The following RLN1 variants were observed in gnomAD, a reference collection of about 807,000 sequenced individuals.
RLN1 encodes relaxin 1.
RLN1 carries 4 observed loss-of-function variants against 7.2 expected under a neutral mutation model. The observed-to-expected ratio is 0.56, with a 90% CI of 0.28 to 1.28. RLN1 has a LOEUF of 1.28. RLN1 is among the 50% of genes most tolerant of loss of function. The pLI is 0.11. For synonymous variants in RLN1, 105 were observed against 86.0 expected (o/e 1.22, Z -1.22); for missense variants, 293 against 221.1 (o/e 1.32, Z -2.06).
Position 5,335,303 on chromosome 9 carries a change from T to G in RLN1, c.506A>C (p.Glu169Ala), listed in dbSNP as rs1816862363. 2 of 1,603,968 alleles carry G rather than the reference T, an allele frequency of 1.2e-6. No individual in the cohort carries two copies. The highest frequency in any genetic ancestry group is 1.7e-6 in the Non-Finnish European group (2 of 1,177,486). The change falls in exon 2 of 2, where the codon GAG becomes GCG. Residue 169 changes from glutamate to alanine, a missense_variant. Physicochemically the swap from Glu to Ala is moderately radical, Grantham distance 107. Coordinates refer to ENST00000223862, the MANE Select transcript of RLN1 (RefSeq NM_006911.4). ...GGTACAACCAATTAGGCAACATTTC[T>G]CAAACAGTGCCACGTAGGGTCGTCT... ...KKRRPYVALF[E>A]KCCLIGCTKR...
chr9:5,335,700 C>T, intron 1 of RLN1, 103 bp from the exon 2 acceptor site: 1 of 696,898 alleles, frequency 1.4e-6, no homozygotes, highest in South Asian at 2.0e-5. Flanking sequence ...AAAGCATTGC[C>T]TCAATATAAA....
In RLN1 at chr9:5,339,705, T is replaced by G; in HGVS notation, c.42A>C (p.Leu14Phe). The stretch of plus-strand genomic sequence containing the variant: ...CTGCTCTGGAAAATTGGTTCAGTAG[T>G]AAACAGAATTCTAGCAGGTGGAACA... Reference protein sequence around the residue: ...LFLFHLLEFCLLLNQFSRAVA... With the variant: ...LFLFHLLEFCFLLNQFSRAVA... Residue 14 changes from leucine (L) to phenylalanine (F), a missense_variant, in exon 1 of 2, where the codon TTA becomes TTC. By Grantham distance (22) the Leu-to-Phe change is conservative (BLOSUM62 0). Transcript: ENST00000223862. The G allele has an allele frequency of 6.2e-7, 1 of 1,613,280 alleles. No homozygotes were observed. The highest frequency in any genetic ancestry group is 1.1e-5 in the South Asian group (1 of 91,070).
At position 5,335,446 on chromosome 9, in the gene RLN1, A is replaced by T. The variant is rs141422581; in HGVS notation, c.363T>A (p.Asp121Glu). ...TAAATTCTTCAAAGCTAAGATTGGA[A>T]TCCTTTAATGCAGGTACATACTGCT... Reference protein sequence around the residue: ...ELQQYVPALKDSNLSFEEFKK... With the variant: ...ELQQYVPALKESNLSFEEFKK... The change falls in exon 2 of 2, where the codon GAT becomes GAA. Residue 121 changes from aspartate to glutamate, a missense_variant. Transcript: ENST00000223862. 3.1e-6 allele frequency: 5 copies of T among 1,613,630 alleles called. No homozygotes were observed. Among genetic ancestry groups the T allele is most frequent in the Non-Finnish European group, 4.2e-6 (5 of 1,179,808 alleles).
At chr9:5,335,712 T>A in intron 1 of RLN1, 115 bp from the exon 2 acceptor site, 1 of 667,046 alleles carries the variant, frequency 1.5e-6, no homozygotes, top group Non-Finnish European at 2.5e-6. Flanking sequence ...CAATATAAAT[T>A]AAACATTGAA....
chr9:5,336,254 T>C (rs1056832304), intron 1 of RLN1, among the ~76,000 whole-genome samples: 1 of 152,084 alleles, frequency 6.6e-6, no homozygotes, highest in Non-Finnish European at 1.5e-5. Context: ...GGTTAAAAGA[T>C]CACTAACCAA....
In RLN1 at chr9:5,339,573, G is replaced by A. The variant is rs147963253; in HGVS notation, c.174C>T (p.Ser58=). The stretch of plus-strand genomic sequence containing the variant: ...TAGGTGTCTGAGGAGCATCTTCCTG[G>A]CTCAGAGACCTTTTGCTCCAGGTGC... The part of the protein sequence containing the change: ...GMSTWSKRSL[S]QEDAPQTPRP... The change falls in exon 1 of 2, where the codon AGC becomes AGT. Residue 58 remains serine (S), a synonymous_variant. Transcript: ENST00000223862. The A allele has an allele frequency of 5.6e-6, 9 of 1,605,590 alleles. No individual in the cohort carries two copies. Among genetic ancestry groups the A allele is most frequent in the Admixed American group, 5.1e-5 (3 of 59,176 alleles).
chr9:5,335,584 G>C lies in RLN1; in HGVS notation c.225C>G (p.Ser75=), dbSNP rs766939901. 8.7e-6 allele frequency: 14 copies of C among 1,603,250 alleles called. No homozygotes were observed. Among genetic ancestry groups the C allele is most frequent in the Non-Finnish European group, 1.2e-5 (14 of 1,173,232 alleles). Residue 75 remains serine, a synonymous_variant, in exon 2 of 2, where the codon TCC becomes TCG. Transcript: ENST00000223862. ...TAGTTTCTGTATCTTTGTTGATGAA[G>C]GATGGTACAATTTCTGTTAAGTTTA... ...TPRPVAEIVP[S]FINKDTETII...
chr9:5,339,939 C>G (rs906458264), upstream of RLN1: 10 of 614,370 alleles, frequency 1.6e-5, no homozygotes, highest in African/African-American at 1.7e-4. Flanking sequence ...CTTTCCCACA[C>G]CCCTCCACAG....
chr9:5,339,888 G>A, upstream of RLN1: 1 of 788,360 alleles, frequency 1.3e-6, no homozygotes, highest in South Asian at 1.8e-5. Flanking sequence ...TTTAGTATGG[G>A]CTATCACTCA....
rs368925357 is a variant in RLN1, at chr9:5,335,603, A to C, written c.212-6T>G. 16 of 1,577,802 alleles carry C rather than the reference A, an allele frequency of 1.0e-5. No individual in the cohort carries two copies. Among genetic ancestry groups the C allele is most frequent in the Middle Eastern group, 3.4e-4 (2 of 5,902 alleles). ...GATGAAGGATGGTACAATTTCTGTT[A>C]AGTTTAAAAAAAAAGTGTATGTGAA... On this transcript the variant is annotated splice_region_variant and splice_polypyrimidine_tract_variant and intron_variant, in intron 1 of 1. Coordinates refer to ENST00000223862, the MANE Select transcript of RLN1 (RefSeq NM_006911.4).
chr9:5,335,352 A>G lies in RLN1; in HGVS notation c.457T>C (p.Leu153=). 6.2e-7 allele frequency: 1 copy of G among 1,613,610 alleles called. No individual in the cohort carries two copies. Among genetic ancestry groups the G allele is most frequent in the Non-Finnish European group, 8.5e-7 (1 of 1,179,730 alleles). The change falls in exon 2 of 2, where the codon TTG becomes CTG. Residue 153 remains leucine, a synonymous_variant. Coordinates refer to ENST00000223862, the MANE Select transcript of RLN1 (RefSeq NM_006911.4). ...CTCTTTTTTTGAGAATGAGTATCCAAGCCTAAGTATTTTAATTCTGAAGGA... is the reference window on the plus strand; with the variant it reads ...CTCTTTTTTTGAGAATGAGTATCCAGGCCTAAGTATTTTAATTCTGAAGGA... ...SNPSELKYLG[L]DTHSQKKRRP...
chr9:5,336,984 C>G (rs1885498), intron 1 of RLN1, among the ~76,000 whole-genome samples: 41,089 of 151,604 alleles, frequency 0.27, 6,076 homozygotes, highest in East Asian at 0.4. Flanking sequence ...TTTGACAGAG[C>G]AATAAAAAAC....
At chr9:5,337,128 A>AT (rs1267730585) in intron 1 of RLN1, among the ~76,000 whole-genome samples, 2 of 152,024 alleles carry the variant, frequency 1.3e-5, no homozygotes, top group African/African-American at 4.8e-5. Flanking sequence ...AGGTTTTGGC[A>AT]TTTTCCCTCA....
chr9:5,337,013 AC>A (rs1408185567), intron 1 of RLN1, among the ~76,000 whole-genome samples: 2 of 152,034 alleles, frequency 1.3e-5, no homozygotes, highest in Non-Finnish European at 2.9e-5. Context: ...ACAAAACAAA[AC>A]AAAAAACCTG....
chr9:5,340,078 T>C (rs1816961834), upstream of RLN1, among the ~76,000 whole-genome samples: 1 of 152,214 alleles, frequency 6.6e-6, no homozygotes, highest in Non-Finnish European at 1.5e-5. Context: ...TATACTTAGG[T>C]AAAGTTATTT....
At chr9:5,340,211 A>G (rs1816964344), upstream of RLN1, among the ~76,000 whole-genome samples, 1 of 152,194 alleles carries the variant, frequency 6.6e-6, no homozygotes, top group Non-Finnish European at 1.5e-5. Context: ...AGGATTATAG[A>G]TTACCTTATA....
chr9:5,337,138 A>G (rs1026443813), intron 1 of RLN1, among the ~76,000 whole-genome samples: 8 of 152,058 alleles, frequency 5.3e-5, no homozygotes, highest in African/African-American at 1.9e-4. Flanking sequence ...ATTTTCCCTC[A>G]TTAAGACATC....
chr9:5,339,837 C>G lies in RLN1; in HGVS notation c.-91G>C, dbSNP rs1816956247. 1.4e-5 allele frequency: 19 copies of G among 1,361,120 alleles called. No homozygotes were observed. The South Asian group carries it at 2.1e-4, about 15-fold the overall frequency. The allele number at this position is 1,361,120 out of a possible 1,614,324, so 84.3% of individuals were successfully genotyped here. On this transcript the variant is annotated 5_prime_UTR_variant, in exon 1 of 2. Coordinates refer to ENST00000223862, the MANE Select transcript of RLN1 (RefSeq NM_006911.4). Reference sequence around the variant, plus strand: ...TACACACCTGGGCCTGTGTGCCTGTCCCGGGCTTTAGGCTGCTTTCCCTAC... The same window carrying G: ...TACACACCTGGGCCTGTGTGCCTGTGCCGGGCTTTAGGCTGCTTTCCCTAC...
At chr9:5,337,061 C>A (rs1316164068) in intron 1 of RLN1, among the ~76,000 whole-genome samples, 1 of 152,070 alleles carries the variant, frequency 6.6e-6, no homozygotes, top group African/African-American at 2.4e-5. Flanking sequence ...TCTCGCTCAT[C>A]CACATTCTAA....
Sources: gnomAD v4.1 joint callset for allele counts (sites outside exome capture counted in the v4.1 genomes callset) on GRCh38, gnomAD v4.1.1 for gene constraint, MANE v1.5 for transcripts, NCBI Gene and HGNC (gene_info 2026-07-23, HGNC 2026-07-21) for gene names.